The following PDE1A variants were observed in gnomAD, a reference collection of about 807,000 sequenced individuals.
PDE1A encodes the protein phosphodiesterase 1A, also known as dual specificity calcium/calmodulin-dependent 3',5'-cyclic nucleotide phosphodiesterase 1A.
PDE1A carries 35 observed loss-of-function variants against 61.7 expected under a neutral mutation model. The observed-to-expected ratio is 0.57, with a 90% CI of 0.43 to 0.75. The LOEUF (loss-of-function observed/expected upper bound fraction) is 0.75. Among genes scored for constraint, PDE1A ranks in the 30% least tolerant of loss-of-function variants. PDE1A has a pLI of 0.00. For missense variants in PDE1A, 597 were observed against 630.6 expected, an observed-to-expected ratio of 0.95 and a Z score of 0.57; for synonymous variants, 232 against 213.2, an observed-to-expected ratio of 1.09 and a Z score of -0.77.
chr2:182,584,975 C>G, the PDE1A span, among the ~76,000 whole-genome samples: 1 of 152,180 alleles, frequency 6.6e-6, no homozygotes, highest in African/African-American at 2.4e-5. Flanking sequence ...AACAATAAAC[C>G]TGGACGTAAA....
At chr2:182,529,771 G>A in the PDE1A span, among the ~76,000 whole-genome samples, 2 of 152,264 alleles carry the variant, frequency 1.3e-5, no homozygotes, top group East Asian at 3.9e-4. Context: ...AGATCTGATG[G>A]TTTTATAAGC....
Position 182,265,582 on chromosome 2 carries a change from C to T in PDE1A, c.54-1168G>A, listed in dbSNP as rs577659696. Among the ~76,000 whole-genome samples the T allele has an allele frequency of 4.6e-5, 7 of 152,102 alleles. No homozygotes were observed. In the East Asian group the frequency reaches 1.4e-3, roughly 29 times the overall value. On this transcript the variant is annotated intron_variant, in intron 1 of 13. Transcript: ENST00000351439. The stretch of plus-strand genomic sequence containing the variant: ...AGCTAGATGCCTGAGTTACAGAAAC[C>T]ACGAGATAATTAATCTTAGTGTATT...
At chr2:182,216,043 C>A (rs1319435536) in intron 7 of PDE1A, among the ~76,000 whole-genome samples, 2 of 75,264 alleles carry the variant, frequency 2.7e-5, no homozygotes, top group African/African-American at 1.0e-4. Flanking sequence ...CCGAATCCAG[C>A]AGCACATCAA....
At chr2:182,499,588 G>C (rs978613115) in intron 2 of PDE1A, among the ~76,000 whole-genome samples, 4 of 152,082 alleles carry the variant, frequency 2.6e-5, no homozygotes, top group Non-Finnish European at 5.9e-5. Context: ...TATGAGGGTT[G>C]GGAAGAACAT....
chr2:182,555,772 C>A, the PDE1A span, among the ~76,000 whole-genome samples: 5 of 151,646 alleles, frequency 3.3e-5, no homozygotes, highest in African/African-American at 1.2e-4. Flanking sequence ...TGGAGACCAG[C>A]CTGGCCGACA....
chr2:182,151,247 C>A (rs1230705909), intron 13 of PDE1A, among the ~76,000 whole-genome samples: 2 of 152,124 alleles, frequency 1.3e-5, no homozygotes, highest in African/African-American at 4.8e-5. Context: ...GCCACCACAC[C>A]CAGCTAATTT....
the PDE1A span, among the ~76,000 whole-genome samples, chr2:182,595,823 G>C: frequency 6.6e-6 from 1 of 152,120 alleles, no homozygotes; most frequent in Non-Finnish European, 1.5e-5. Flanking sequence ...TTTGACATCC[G>C]GAATAAAGAT....
the PDE1A span, among the ~76,000 whole-genome samples, chr2:182,650,966 A>G: frequency 6.6e-6 from 1 of 152,092 alleles, no homozygotes; most frequent in Non-Finnish European, 1.5e-5. Flanking sequence ...AGTGCCCTCT[A>G]GAGTCTTATT....
chr2:182,584,814 T>C, the PDE1A span, among the ~76,000 whole-genome samples: 4 of 152,206 alleles, frequency 2.6e-5, no homozygotes, highest in African/African-American at 9.7e-5. Flanking sequence ...CAAGAGCAAG[T>C]GCCTCAAGCT....
In PDE1A at chr2:182,171,855, G is replaced by A. The variant is rs117056801; in HGVS notation, c.1517-3565C>T. Among the ~76,000 whole-genome samples, 48 of 151,462 alleles carry A rather than the reference G, an allele frequency of 3.2e-4. No individual in the cohort carries two copies. The East Asian group carries it at 8.6e-3, about 27-fold the overall frequency. On this transcript the variant is annotated intron_variant, in intron 13 of 13. Coordinates refer to ENST00000351439, the Ensembl canonical transcript of PDE1A. ...TTACTCTGCCCCATCATCTCTGTTC[G>A]ACAGTGCAACATCCAACCCAATACT... is the stretch of plus-strand genomic sequence containing the variant.
chr2:182,530,787 C>A, the PDE1A span, among the ~76,000 whole-genome samples: 1 of 151,968 alleles, frequency 6.6e-6, no homozygotes, highest in African/African-American at 2.4e-5. Context: ...GGAAATTGTC[C>A]AAACAGAAAG....
intron 1 of PDE1A, among the ~76,000 whole-genome samples, chr2:182,307,936 G>GT (rs112215441): frequency 0.03 from 4,577 of 152,224 alleles, 118 homozygotes; most frequent in South Asian, 0.11. Flanking sequence ...GAGAACCCTT[G>GT]TACACTGCTG....
chr2:182,651,618 G>T, the PDE1A span, among the ~76,000 whole-genome samples: 1 of 152,182 alleles, frequency 6.6e-6, no homozygotes, highest in Admixed American at 6.5e-5. Context: ...TCTTTTGTGT[G>T]CACTTTTTAA....
chr2:182,641,396 T>C, the PDE1A span, among the ~76,000 whole-genome samples: 1 of 152,202 alleles, frequency 6.6e-6, no homozygotes, highest in African/African-American at 2.4e-5. Context: ...ATAGTTAAGC[T>C]ATTCCCCATA....
the PDE1A span, among the ~76,000 whole-genome samples, chr2:182,644,827 T>C: frequency 6.6e-6 from 1 of 152,070 alleles, no homozygotes; most frequent in African/African-American, 2.4e-5. Flanking sequence ...CCCACCAAGA[T>C]GTTGGAACAT....
At chr2:182,165,430 T>C (rs139566840), downstream of PDE1A, among the ~76,000 whole-genome samples, 78 of 152,296 alleles carry the variant, frequency 5.1e-4, no homozygotes, top group Admixed American at 3.9e-3. Context: ...GGGTGTTGGC[T>C]AGGGTGATTC....
At chr2:182,532,561 C>T in the PDE1A span, among the ~76,000 whole-genome samples, 2 of 152,192 alleles carry the variant, frequency 1.3e-5, no homozygotes, top group South Asian at 4.1e-4. Context: ...ACATAAGGAT[C>T]TTACTGGGGT....
At chr2:182,517,096 A>G (rs1441554956) in intron 2 of PDE1A, among the ~76,000 whole-genome samples, 1 of 152,098 alleles carries the variant, frequency 6.6e-6, no homozygotes, top group East Asian at 1.9e-4. Flanking sequence ...ACCATTGTAG[A>G]TCCTTTTCTG....
chr2:182,610,126 G>A, the PDE1A span, among the ~76,000 whole-genome samples: 1 of 151,674 alleles, frequency 6.6e-6, no homozygotes, highest in African/African-American at 2.4e-5. Flanking sequence ...GCTCAGAGGA[G>A]CCAACGAGTC....
Sources: allele counts gnomAD v4.1 joint callset (sites outside exome capture counted in the v4.1 genomes callset), GRCh38; gene constraint gnomAD v4.1.1; transcripts MANE v1.5; gene names NCBI Gene and HGNC (gene_info 2026-07-23, HGNC 2026-07-21).